The following SPATA6 variants were observed in gnomAD, a reference collection of about 807,000 sequenced individuals.
SPATA6 encodes the protein spermatogenesis-associated protein 6.
In SPATA6, 56 loss-of-function variants were observed where a neutral mutation model predicts 65.3. The observed-to-expected ratio is 0.86, with a 90% CI of 0.69 to 1.07. The LOEUF is 1.07. Among genes scored for constraint, SPATA6 ranks in the 50% least tolerant of loss-of-function variants. The probability of loss-of-function intolerance (pLI) is 0.00; values close to 1 mark genes in which losing one functional copy is unlikely to be tolerated. For synonymous variants in SPATA6, 199 were observed against 213.2 expected, an observed-to-expected ratio of 0.93 and a Z score of 0.58; for missense variants, 590 against 594.8, an observed-to-expected ratio of 0.99 and a Z score of 0.08.
rs911433184 is a variant in SPATA6 at position 48,462,807 on chromosome 1, A to G, written c.51+9151T>C. Among the ~76,000 whole-genome samples, 8 of 152,328 alleles carry G rather than the reference A, an allele frequency of 5.3e-5. No homozygotes were observed. The South Asian group carries it at 6.2e-4, about 12-fold the overall frequency. ...TATCTACTTCACTGGGTTAAGGGATACGTGAGTAGCTGGTAAACATTATTT... is the reference window on the plus strand; with the variant it reads ...TATCTACTTCACTGGGTTAAGGGATGCGTGAGTAGCTGGTAAACATTATTT... On this transcript the variant is annotated intron_variant, in intron 1 of 12. Coordinates refer to ENST00000371847, the MANE Select transcript of SPATA6 (RefSeq NM_019073.4).
rs1354778673 is a variant in SPATA6, at chr1:48,376,804, A to G, written c.909+8505T>C. On this transcript the variant is annotated intron_variant, in intron 9 of 12. Transcript: ENST00000371847. ...TACCTAGGCTATAATGGTATAGCCT[A>G]TTGTACCTAGGCTACAAACCTGTAC... Among the ~76,000 whole-genome samples the G allele has an allele frequency of 2.6e-5, 4 of 152,162 alleles. No individual in the cohort carries two copies. The East Asian group carries it at 7.7e-4, about 29-fold the overall frequency.
intron 1 of SPATA6, among the ~76,000 whole-genome samples, chr1:48,456,144 T>C (rs1656981169): frequency 6.6e-6 from 1 of 151,996 alleles, no homozygotes; most frequent in Admixed American, 6.6e-5. Flanking sequence ...TAAGGCAGAG[T>C]TGCAAATGGC....
intron 10 of SPATA6, among the ~76,000 whole-genome samples, chr1:48,356,510 C>CTTTTTTTTTT (rs910154922): frequency 8.1e-6 from 1 of 122,736 alleles, no homozygotes; most frequent in African/African-American, 3.0e-5. Context: ...TTTGTCCTTT[C>CTTTTTTTTTT]TTTTTTTTTT....
intron 11 of SPATA6, among the ~76,000 whole-genome samples, chr1:48,334,517 G>A (rs1471518673): frequency 6.6e-6 from 1 of 151,994 alleles, no homozygotes; most frequent in Non-Finnish European, 1.5e-5. Flanking sequence ...CACATAAACA[G>A]AACTAAAAAC....
At chr1:48,343,025 G>A (rs1490623260) in intron 11 of SPATA6, among the ~76,000 whole-genome samples, 1 of 152,098 alleles carries the variant, frequency 6.6e-6, no homozygotes, top group Non-Finnish European at 1.5e-5. Flanking sequence ...GAGCTCAGAG[G>A]AAAACAGGAG....
At chr1:48,370,129 A>G (rs1015910206) in intron 9 of SPATA6, among the ~76,000 whole-genome samples, 21 of 152,336 alleles carry the variant, frequency 1.4e-4, no homozygotes, top group African/African-American at 4.3e-4. Context: ...GGTGAGAATT[A>G]ACTACTACAA....
At chr1:48,304,745 TTAGA>T (rs1645020368) in intron 12 of SPATA6, among the ~76,000 whole-genome samples, 1 of 152,164 alleles carries the variant, frequency 6.6e-6, no homozygotes, top group Non-Finnish European at 1.5e-5. Flanking sequence ...TAAAAACAAC[TTAGA>T]TAATTTGAAA....
At chr1:48,370,579 C>G (rs1325425693) in intron 9 of SPATA6, among the ~76,000 whole-genome samples, 2 of 152,172 alleles carry the variant, frequency 1.3e-5, no homozygotes, top group Admixed American at 6.5e-5. Flanking sequence ...TAAAATAATA[C>G]AATAAGAAAA....
Position 48,411,489 on chromosome 1 carries a change from G to A in SPATA6, c.380C>T (p.Thr127Ile), listed in dbSNP as rs761656246. ...SGHHDSNRQVTMRRISGLRGN... is the reference protein window; with the variant it reads ...SGHHDSNRQVIMRRISGLRGN... ...TCGAAGGCCAGAAATCCTCCTCATG[G>A]TAACCTGGCGGTTTGAATCATGGTG... The change falls in exon 5 of 13, where the codon ACC becomes ATC. Residue 127 changes from threonine to isoleucine, a missense_variant. Transcript: ENST00000371847. 3 of 1,608,952 alleles carry A rather than the reference G, an allele frequency of 1.9e-6. No individual in the cohort carries two copies. Among genetic ancestry groups the A allele is most frequent in the Admixed American group, 1.7e-5 (1 of 59,126 alleles).
intron 9 of SPATA6, among the ~76,000 whole-genome samples, chr1:48,365,437 A>G (rs1646970345): frequency 6.6e-6 from 1 of 152,084 alleles, no homozygotes; most frequent in Non-Finnish European, 1.5e-5. Flanking sequence ...ATGAGCATGG[A>G]ATGTTCTTCC....
chr1:48,403,695 C>G, intron 6 of SPATA6, 107 bp downstream of exon 6: 2 of 827,710 alleles, frequency 2.4e-6, no homozygotes, highest in Non-Finnish European at 3.7e-6. Context: ...AATTGACCCC[C>G]CAAAAAGTGA....
chr1:48,390,533 T>C (rs1184361969), intron 8 of SPATA6, among the ~76,000 whole-genome samples: 1 of 152,212 alleles, frequency 6.6e-6, no homozygotes, highest in Non-Finnish European at 1.5e-5. Context: ...CATTGTATTA[T>C]ATATTTCAAA....
the SPATA6 span, among the ~76,000 whole-genome samples, chr1:48,272,719 A>G: frequency 6.6e-6 from 1 of 152,158 alleles, no homozygotes; most frequent in Non-Finnish European, 1.5e-5. Context: ...TTGTTGGATC[A>G]TATGATAGTT....
At chr1:48,293,067 G>A (rs191967746), downstream of SPATA6, among the ~76,000 whole-genome samples, 3 of 152,310 alleles carry the variant, frequency 2.0e-5, no homozygotes, top group East Asian at 1.9e-4. Context: ...AGACCAGGCC[G>A]CTATGAACCA....
Position 48,325,492 on chromosome 1 carries a change from A to G in SPATA6, c.1195-19614T>C, listed in dbSNP as rs1419868648. 9.0e-6 allele frequency: 11 copies of G among 1,222,866 alleles called. No homozygotes were observed. In the East Asian group the frequency reaches 9.4e-5, roughly 10 times the overall value. 75.8% of individuals were successfully genotyped at this position (1,222,866 alleles called of 1,614,324 possible). A position where few individuals can be genotyped will look rare whatever the true frequency, so the allele number is the denominator to read the frequency against. On this transcript the variant is annotated intron_variant, in intron 11 of 12. Coordinates refer to ENST00000371847, the MANE Select transcript of SPATA6 (RefSeq NM_019073.4). ...CAAACTGAGGGATCCACATTCTCTG[A>G]GTTGATGATCTCATCATCCTCACTG...
At chr1:48,367,102 G>T (rs1384521639) in intron 9 of SPATA6, among the ~76,000 whole-genome samples, 1 of 152,032 alleles carries the variant, frequency 6.6e-6, no homozygotes, top group East Asian at 1.9e-4. Context: ...GTAGTTGAGT[G>T]GTTTTGAGTG....
intron 3 of SPATA6, among the ~76,000 whole-genome samples, chr1:48,442,468 A>G (rs2148114869): frequency 6.6e-6 from 1 of 152,076 alleles, no homozygotes; most frequent in South Asian, 2.1e-4. Flanking sequence ...AGGGAAGGAG[A>G]GAGGAGAACA....
the SPATA6 span, among the ~76,000 whole-genome samples, chr1:48,265,841 T>C: frequency 6.6e-6 from 1 of 152,332 alleles, no homozygotes; most frequent in African/African-American, 2.4e-5. Context: ...CCTCATCAGC[T>C]TTAGACCTGG....
At chr1:48,342,414 G>A (rs1273554792) in intron 11 of SPATA6, among the ~76,000 whole-genome samples, 3 of 151,998 alleles carry the variant, frequency 2.0e-5, no homozygotes, top group African/African-American at 7.2e-5. Flanking sequence ...AGAAGATCGA[G>A]ACCATCCTGG....
Sources: allele counts gnomAD v4.1 joint callset (sites outside exome capture counted in the v4.1 genomes callset), GRCh38; gene constraint gnomAD v4.1.1; transcripts MANE v1.5; gene names NCBI Gene and HGNC (gene_info 2026-07-23, HGNC 2026-07-21).